The following LINGO2 variants were observed in gnomAD, a reference collection of about 807,000 sequenced individuals.
The protein encoded by LINGO2 is leucine-rich repeat and immunoglobulin-like domain-containing nogo receptor-interacting protein 2.
LINGO2 carries 14 observed loss-of-function variants against 30.6 expected under a neutral mutation model. The ratio of observed to expected loss-of-function variants is 0.46; its 90% confidence interval spans 0.30 to 0.72. The LOEUF is 0.72. LINGO2 is among the 30% of genes least tolerant of loss of function. The pLI, the probability that LINGO2 is intolerant of heterozygous loss-of-function variation, is 0.07. For synonymous variants in LINGO2, 317 were observed against 288.5 expected (o/e 1.10, Z -1.00); for missense variants, 729 against 751.7 (o/e 0.97, Z 0.35).
chr9:28,499,512 C>T (rs1036936919), intron 1 of LINGO2, among the ~76,000 whole-genome samples: 19 of 152,126 alleles, frequency 1.2e-4, no homozygotes, highest in African/African-American at 4.3e-4. Context: ...TTAATTTAGA[C>T]ATATATGGGT....
chr9:28,772,592 C>T, the LINGO2 span, among the ~76,000 whole-genome samples: 5 of 152,272 alleles, frequency 3.3e-5, no homozygotes, highest in African/African-American at 7.2e-5. Context: ...GAAAATTGTC[C>T]GCTGAAGCTG....
chr9:28,673,346 A>T (rs768100671), upstream of LINGO2, among the ~76,000 whole-genome samples: 17 of 152,080 alleles, frequency 1.1e-4, no homozygotes, highest in Non-Finnish European at 2.4e-4. Context: ...ATTTAGAGAA[A>T]CAGCAGAAAG....
the LINGO2 span, among the ~76,000 whole-genome samples, chr9:29,119,705 C>T: frequency 6.6e-5 from 10 of 150,780 alleles, no homozygotes; most frequent in Non-Finnish European, 1.5e-4. Flanking sequence ...CCTGCCTCAG[C>T]CTCCTGAGTA....
intron 1 of LINGO2, among the ~76,000 whole-genome samples, chr9:28,495,255 C>T (rs1344438777): frequency 1.3e-5 from 2 of 152,068 alleles, no homozygotes; most frequent in Non-Finnish European, 2.9e-5. Flanking sequence ...CTTTTGTTGC[C>T]ATTGCTTTTG....
chr9:28,881,683 G>A, the LINGO2 span, among the ~76,000 whole-genome samples: 14 of 150,748 alleles, frequency 9.3e-5, no homozygotes, highest in African/African-American at 3.4e-4. Flanking sequence ...TGCAGGATGT[G>A]CAGATTTGTT....
At chr9:27,982,048 C>G (rs545897223) in intron 5 of LINGO2, among the ~76,000 whole-genome samples, 1 of 151,788 alleles carries the variant, frequency 6.6e-6, no homozygotes, top group African/African-American at 2.4e-5. Context: ...TCTGTGAAAA[C>G]TGACTTTTCC....
chr9:28,801,799 C>T, the LINGO2 span, among the ~76,000 whole-genome samples: 1 of 152,050 alleles, frequency 6.6e-6, no homozygotes, highest in Non-Finnish European at 1.5e-5. Context: ...GGGAGCTACA[C>T]ACTTGGTAGA....
chr9:29,046,045 T>C, the LINGO2 span, among the ~76,000 whole-genome samples: 1 of 152,142 alleles, frequency 6.6e-6, no homozygotes, highest in South Asian at 2.1e-4. Context: ...GCCAAAACTA[T>C]AGGGTATTCT....
chr9:28,148,923 C>T lies in LINGO2; in HGVS notation c.-86-136518G>A. The T allele has an allele frequency of 6.5e-7, 1 of 1,533,918 alleles. No individual in the cohort carries two copies. The highest frequency in any genetic ancestry group is 8.7e-7 in the Non-Finnish European group (1 of 1,146,630). On this transcript the variant is annotated intron_variant, in intron 4 of 5. Transcript: ENST00000379992. The surrounding 1 kb of genome is among the most constrained non-coding windows in gnomAD (Gnocchi z 5.1). ...GCAGCTCTTGGGTCAAGTAGGTCTT[C>T]TCCACACAGAGCTGCCGGCCACAGT...
chr9:28,871,127 T>G, the LINGO2 span, among the ~76,000 whole-genome samples: 4 of 151,884 alleles, frequency 2.6e-5, no homozygotes, highest in African/African-American at 9.7e-5. Flanking sequence ...ATTTAAATAT[T>G]TATAAATAAG....
intron 4 of LINGO2, among the ~76,000 whole-genome samples, chr9:28,254,935 T>C (rs1822332356): frequency 6.6e-6 from 1 of 151,962 alleles, no homozygotes; most frequent in Admixed American, 6.6e-5. Flanking sequence ...CACCCTACAA[T>C]AGGCCCCAGT....
At chr9:28,741,772 G>C in the LINGO2 span, among the ~76,000 whole-genome samples, 1 of 151,602 alleles carries the variant, frequency 6.6e-6, no homozygotes, top group South Asian at 2.1e-4. Context: ...TGTATCCATG[G>C]GGGTTGGCCT....
At chr9:27,948,707 G>A in exon 6 of LINGO2, 1 of 922,786 alleles carries the variant, frequency 1.1e-6, no homozygotes, top group Non-Finnish European at 1.7e-6. Flanking sequence ...AGTCTCCATT[G>A]GAAGTCCTCC....
intron 1 of LINGO2, among the ~76,000 whole-genome samples, chr9:28,479,882 T>TGTGTGTGC (rs1825871853): frequency 7.2e-6 from 1 of 138,022 alleles, no homozygotes; most frequent in South Asian, 2.3e-4. Flanking sequence ...TGTGTGTGTG[T>TGTGTGTGC]GTATGTGTGT....
chr9:29,012,307 G>C, the LINGO2 span, among the ~76,000 whole-genome samples: 1 of 151,898 alleles, frequency 6.6e-6, no homozygotes, highest in African/African-American at 2.4e-5. Flanking sequence ...GCAGTGAGCT[G>C]AGATCACACC....
In LINGO2 at chr9:28,576,934, C is replaced by T. The variant is rs569228940; in HGVS notation, c.-365+93266G>A. On this transcript the variant is annotated intron_variant, in intron 1 of 5. Transcript: ENST00000379992. ...TTAAGAACTGCAAAATTTTTTAAAT[C>T]GCTTTTGCAAAAATTGTAACAGTGA... 5.9e-5 allele frequency among the ~76,000 whole-genome samples: 9 copies of T among 152,216 alleles called. 1 individual carries two copies. The South Asian group carries it at 1.9e-3, about 32-fold the overall frequency.
At chr9:28,644,804 A>AAT (rs1012694408) in intron 1 of LINGO2, among the ~76,000 whole-genome samples, 5 of 152,066 alleles carry the variant, frequency 3.3e-5, no homozygotes, top group African/African-American at 1.2e-4. Flanking sequence ...GCACTCCATA[A>AAT]ATATATATAT....
the LINGO2 span, among the ~76,000 whole-genome samples, chr9:29,200,690 G>C: frequency 6.6e-6 from 1 of 151,982 alleles, no homozygotes; most frequent in South Asian, 2.1e-4. Context: ...TTACATTGCC[G>C]TTAACTACAG....
chr9:28,740,205 C>T, the LINGO2 span, among the ~76,000 whole-genome samples: 111 of 151,508 alleles, frequency 7.3e-4, 1 homozygote, highest in African/African-American at 2.5e-3. Flanking sequence ...GCTTCATGTG[C>T]TCTCCAATAA....
Sources: allele counts gnomAD v4.1 joint callset (sites outside exome capture counted in the v4.1 genomes callset), GRCh38; gene constraint gnomAD v4.1.1; non-coding constraint Gnocchi (gnomAD v3.1); transcripts MANE v1.5; gene names NCBI Gene and HGNC (gene_info 2026-07-23, HGNC 2026-07-21).